The following VWA2 variants were observed in gnomAD, a reference collection of about 807,000 sequenced individuals.
VWA2 encodes the protein von Willebrand factor A domain containing 2, also known as von Willebrand factor A domain-containing protein 2.
Under a neutral mutation model 70.4 loss-of-function variants are expected in VWA2, and 73 were observed. That is an observed-to-expected ratio of 1.04 (90% CI 0.86 to 1.26). The LOEUF is 1.26. VWA2 is among the 50% of genes most tolerant of loss of function. The pLI, the probability that VWA2 is intolerant of heterozygous loss-of-function variation, is 0.00. For synonymous variants in VWA2, 407 were observed against 423.3 expected (o/e 0.96, Z 0.47); for missense variants, 1,011 against 998.5 (o/e 1.01, Z -0.17).
At position 114,261,274 on chromosome 10, in the gene VWA2, G is replaced by T. The variant is rs1251961676; in HGVS notation, c.350G>T (p.Arg117Ile). 6.2e-7 allele frequency: 1 copy of T among 1,614,006 alleles called. No individual in the cohort carries two copies. Among genetic ancestry groups the T allele is most frequent in the African/African-American group, 1.3e-5 (1 of 74,936 alleles). Reference protein sequence around the residue: ...SFSTQQEVKARIKRMVFKGGR... With the variant: ...SFSTQQEVKAIIKRMVFKGGR... ...TCAACCCAACAGGAAGTGAAGGCAA[G>T]AATCAAGAGGATGGTTTTCAAGTAT... The change falls in exon 5 of 14, where the codon AGA (arginine) becomes ATA (isoleucine). Residue 117 changes from arginine (R) to isoleucine (I), a missense_variant. Physicochemically the swap from Arg to Ile is moderately conservative, Grantham distance 97. Coordinates refer to ENST00000392982, the MANE Select transcript of VWA2 (RefSeq NM_001272046.2).
At chr10:114,284,552 A>T (rs1185576923) in intron 9 of VWA2, among the ~76,000 whole-genome samples, 3 of 152,184 alleles carry the variant, frequency 2.0e-5, no homozygotes, top group African/African-American at 7.2e-5. Flanking sequence ...GCTCTCTCTC[A>T]GTCTTGAGGC....
Position 114,272,894 on chromosome 10 carries a change from AG to A in VWA2, c.530del (p.Gly177ValfsTer108). 2.5e-6 allele frequency: 4 copies of A among 1,613,674 alleles called. No individual in the cohort carries two copies. The highest frequency in any genetic ancestry group is 3.4e-6 in the Non-Finnish European group (4 of 1,179,790). On this transcript the variant is annotated frameshift_variant, in exon 6 of 14. Coordinates refer to ENST00000392982, the MANE Select transcript of VWA2 (RefSeq NM_001272046.2). LOFTEE classifies it high-confidence loss of function. ...VALPSKQLKE[R>X]GVTVFAVGVR... ...ACTGCCATCCAAGCAGCTGAAGGAA[AG>A]GGGTGTCACTGTGTTTGCTGTGGGG...
At chr10:114,279,789 C>T (rs1053747672) in intron 8 of VWA2, among the ~76,000 whole-genome samples, 8 of 152,160 alleles carry the variant, frequency 5.3e-5, no homozygotes, top group African/African-American at 1.9e-4. Flanking sequence ...CCCAAGGAAT[C>T]ATGGTTTAGA....
intron 8 of VWA2, among the ~76,000 whole-genome samples, chr10:114,279,664 T>C (rs76045642): frequency 0.01 from 1,543 of 152,268 alleles, 30 homozygotes; most frequent in African/African-American, 0.036. Context: ...GAGGCTCTCC[T>C]CAGAACCCAA....
At chr10:114,258,018 G>A (rs950549999) in intron 4 of VWA2, among the ~76,000 whole-genome samples, 2 of 152,200 alleles carry the variant, frequency 1.3e-5, no homozygotes, top group African/African-American at 4.8e-5. Context: ...GGCTTAACCT[G>A]AGGAAAGCTT....
chr10:114,282,468 C>A, intron 8 of VWA2, 48 bp from the exon 9 acceptor site: 2 of 1,476,624 alleles, frequency 1.4e-6, no homozygotes, highest in East Asian at 2.3e-5. Flanking sequence ...TTTCTGCCCT[C>A]CCCTTACACC....
At chr10:114,271,816 C>A (rs973467715) in intron 5 of VWA2, among the ~76,000 whole-genome samples, 1 of 152,116 alleles carries the variant, frequency 6.6e-6, no homozygotes, top group Non-Finnish European at 1.5e-5. Context: ...AATAATGCTC[C>A]CACAGGGTTT....
chr10:114,257,301 C>T (rs2037351394), intron 4 of VWA2, among the ~76,000 whole-genome samples: 1 of 152,170 alleles, frequency 6.6e-6, no homozygotes, highest in African/African-American at 2.4e-5. Flanking sequence ...GCACAGGACC[C>T]TGCTTTTAAA....
chr10:114,247,630 G>A (rs1464113928), intron 1 of VWA2, among the ~76,000 whole-genome samples: 1 of 151,728 alleles, frequency 6.6e-6, no homozygotes, highest in East Asian at 1.9e-4. Context: ...GTCATGGCAT[G>A]TGTGTAAACT....
At chr10:114,245,699 A>T (rs909460011) in intron 1 of VWA2, among the ~76,000 whole-genome samples, 3 of 152,150 alleles carry the variant, frequency 2.0e-5, no homozygotes, top group Non-Finnish European at 4.4e-5. Context: ...GCAGGCCAGT[A>T]TCCTTCTCAC....
In VWA2 at chr10:114,277,975, C is replaced by T. The variant is rs1480138601; in HGVS notation, c.628C>T (p.Gln210Ter). 4.3e-6 allele frequency: 7 copies of T among 1,613,114 alleles called. No individual in the cohort carries two copies. Among genetic ancestry groups the T allele is most frequent in the Non-Finnish European group, 5.1e-6 (6 of 1,179,748 alleles). The change falls in exon 7 of 14, where the codon CAG (glutamine) becomes TAG (stop). Residue 210 changes from glutamine (Q) to a stop codon, truncating the protein, a stop_gained. Transcript: ENST00000392982. LOFTEE classifies it high-confidence loss of function. Reference protein sequence around the residue: ...PRGQHVLLAEQVEDATNGLFS... With the variant: ...PRGQHVLLAE ...AGGGCAGCACGTGCTGTTGGCTGAG[C>T]AGGTGGAGGATGCCACCAACGGCCT... is the stretch of plus-strand genomic sequence containing the variant.
chr10:114,263,203 TG>T (rs1224270851), intron 5 of VWA2, among the ~76,000 whole-genome samples: 28 of 152,046 alleles, frequency 1.8e-4, no homozygotes, highest in African/African-American at 6.8e-4. Context: ...TTTGTAGAGA[TG>T]GGGTTTCCCC....
At chr10:114,270,288 C>T (rs1191178099) in intron 5 of VWA2, among the ~76,000 whole-genome samples, 1 of 152,178 alleles carries the variant, frequency 6.6e-6, no homozygotes, top group Non-Finnish European at 1.5e-5. Context: ...CAAGTCCTGC[C>T]TTCACCACTC....
intron 2 of VWA2, among the ~76,000 whole-genome samples, chr10:114,251,307 C>G (rs760608491): frequency 1.9e-4 from 29 of 152,230 alleles, no homozygotes; most frequent in Non-Finnish European, 3.7e-4. Context: ...GAAGACATTT[C>G]ACAGGGAGCA....
Position 114,289,378 on chromosome 10 carries a change from C to T in VWA2, c.2011C>T (p.Leu671=), listed in dbSNP as rs2039311782. 1 of 1,614,040 alleles carries T rather than the reference C, an allele frequency of 6.2e-7. No homozygotes were observed. The highest frequency in any genetic ancestry group is 1.7e-5 in the Admixed American group (1 of 60,012). The change falls in exon 12 of 14, where the codon CTA becomes TTA. Residue 671 remains leucine (L), a synonymous_variant. Coordinates refer to ENST00000392982, the MANE Select transcript of VWA2 (RefSeq NM_001272046.2). The stretch of plus-strand genomic sequence containing the variant: ...CTTGGTCGTGGGCGTGGGGCCTGTC[C>T]TAAGTGAGGGTCTGCGGAGGCTTGC... ...SVLVVGVGPV[L]SEGLRRLAGP...
chr10:114,287,281 C>T (rs11196681), intron 11 of VWA2, among the ~76,000 whole-genome samples: 37,948 of 152,006 alleles, frequency 0.25, 5,015 homozygotes, highest in African/African-American at 0.33. Context: ...CCTGGGCTCA[C>T]GTGATCCTTC....
At chr10:114,242,121 T>C (rs1365660569) in intron 1 of VWA2, among the ~76,000 whole-genome samples, 1 of 152,118 alleles carries the variant, frequency 6.6e-6, no homozygotes, top group Non-Finnish European at 1.5e-5. Context: ...TTGAATGTGA[T>C]TACTACCCTC....
chr10:114,290,435 C>T (rs1457689930), intron 13 of VWA2, 70 bp downstream of exon 13: 24 of 1,533,416 alleles, frequency 1.6e-5, no homozygotes, highest in Admixed American at 4.0e-5. Flanking sequence ...GTCCCACAAA[C>T]TCAGCTGAAG....
At chr10:114,275,733 G>T (rs538106167) in intron 6 of VWA2, among the ~76,000 whole-genome samples, 23 of 152,208 alleles carry the variant, frequency 1.5e-4, no homozygotes, top group Non-Finnish European at 3.1e-4. Flanking sequence ...TTTGAAACCA[G>T]CCTGGCAAAC....
Sources: allele counts gnomAD v4.1 joint callset (sites outside exome capture counted in the v4.1 genomes callset), GRCh38; gene constraint gnomAD v4.1.1; transcripts MANE v1.5; gene names NCBI Gene and HGNC (gene_info 2026-07-23, HGNC 2026-07-21).